TAMM41: variants seen among roughly 807,000 people sequenced by gnomAD.
The protein encoded by TAMM41 is TAM41 mitochondrial translocator assembly and maintenance homolog.
Under a neutral mutation model 44.1 loss-of-function variants are expected in TAMM41, and 36 were observed. That is an observed-to-expected ratio of 0.82 (90% confidence interval 0.63 to 1.08). The LOEUF is 1.08. Among genes scored for constraint, TAMM41 ranks in the 50% least tolerant of loss-of-function variants. The pLI, the probability that TAMM41 is intolerant of heterozygous loss-of-function variation, is 0.00. For synonymous variants in TAMM41, 164 were observed against 153.1 expected, an observed-to-expected ratio of 1.07 and a Z score of -0.53; for missense variants, 417 against 404.3, an observed-to-expected ratio of 1.03 and a Z score of -0.27.
At chr3:11,736,385 A>G in the TAMM41 span, among the ~76,000 whole-genome samples, 7 of 152,246 alleles carry the variant, frequency 4.6e-5, no homozygotes, top group Non-Finnish European at 8.8e-5. Flanking sequence ...TAACAGTGCT[A>G]TAATGATAAA....
the TAMM41 span, among the ~76,000 whole-genome samples, chr3:11,783,185 CT>C: frequency 6.6e-6 from 1 of 152,216 alleles, no homozygotes; most frequent in Non-Finnish European, 1.5e-5. Flanking sequence ...TATTATTGCA[CT>C]TGTGGGCAGA....
intron 5 of TAMM41, among the ~76,000 whole-genome samples, chr3:11,810,287 T>A (rs1204746396): frequency 6.6e-6 from 1 of 152,224 alleles, no homozygotes; most frequent in Non-Finnish European, 1.5e-5. Flanking sequence ...CAATACAACT[T>A]AGTTGTCCTA....
chr3:11,808,643 A>C, intron 6 of TAMM41: 1 of 982,074 alleles, frequency 1.0e-6, no homozygotes, highest in Non-Finnish European at 1.2e-6. Flanking sequence ...AATTTCATAA[A>C]TATTTCTTGA....
At chr3:11,792,947 G>A (rs913137520) in intron 7 of TAMM41, among the ~76,000 whole-genome samples, 6 of 150,566 alleles carry the variant, frequency 4.0e-5, no homozygotes, top group African/African-American at 1.2e-4. Context: ...TGTAGTCCCA[G>A]CTACTTAGGA....
At chr3:11,829,427 G>A (rs936039717) in intron 4 of TAMM41, among the ~76,000 whole-genome samples, 5 of 152,076 alleles carry the variant, frequency 3.3e-5, no homozygotes, top group African/African-American at 1.2e-4. Flanking sequence ...AAGGGCATAG[G>A]GAGTTTTCTG....
At chr3:11,841,888 G>A (rs2125065512) in intron 2 of TAMM41, among the ~76,000 whole-genome samples, 1 of 152,330 alleles carries the variant, frequency 6.6e-6, no homozygotes, top group South Asian at 2.1e-4. Flanking sequence ...CTGAACTTCA[G>A]TTTCCTCAAC....
the TAMM41 span, among the ~76,000 whole-genome samples, chr3:11,773,969 A>G: frequency 6.6e-6 from 1 of 152,140 alleles, no homozygotes; most frequent in South Asian, 2.1e-4. Flanking sequence ...CATGCCTGTA[A>G]TCCCAGTTAC....
At chr3:11,774,588 G>A in the TAMM41 span, among the ~76,000 whole-genome samples, 1 of 152,148 alleles carries the variant, frequency 6.6e-6, no homozygotes, top group African/African-American at 2.4e-5. Flanking sequence ...GGTTTGTCTT[G>A]GTCTATTTGG....
chr3:11,733,952 T>C, the TAMM41 span, among the ~76,000 whole-genome samples: 1 of 152,198 alleles, frequency 6.6e-6, no homozygotes, highest in Admixed American at 6.5e-5. Context: ...TGCATGACCC[T>C]CTTTAGCCAG....
At position 11,790,598 on chromosome 3, in the gene TAMM41, G is replaced by A. The variant is rs2077455552; in HGVS notation, c.938-17C>T. The A allele has an allele frequency of 1.9e-6, 3 of 1,601,970 alleles. No individual in the cohort carries two copies. Among genetic ancestry groups the A allele is most frequent in the East Asian group, 2.2e-5 (1 of 44,824 alleles). On this transcript the variant is annotated splice_polypyrimidine_tract_variant and intron_variant, in intron 7 of 7. Transcript: ENST00000455809. Reference sequence around the variant, plus strand: ...TCTTCAGGCCTAAAAGAGAAAAGATGAGAAAGTAAGAAGATGGAGGCTTGT... The same window carrying A: ...TCTTCAGGCCTAAAAGAGAAAAGATAAGAAAGTAAGAAGATGGAGGCTTGT...
rs537388792 is a variant in TAMM41, at chr3:11,836,060, G to A, written c.411+3162C>T. ...GCTGGAGTGCGGAGTGCAATGGCAC[G>A]ATCTTGGCTCACCTCTGCCTCCCAA... On this transcript the variant is annotated intron_variant, in intron 3 of 7. Coordinates refer to ENST00000455809, the MANE Select transcript of TAMM41 (RefSeq NM_001284401.2). 2.7e-5 allele frequency among the ~76,000 whole-genome samples: 4 copies of A among 149,582 alleles called. No individual in the cohort carries two copies. In the East Asian group the frequency reaches 5.9e-4, roughly 22 times the overall value.
the TAMM41 span, among the ~76,000 whole-genome samples, chr3:11,758,735 A>G: frequency 2.0e-5 from 3 of 151,676 alleles, no homozygotes; most frequent in Non-Finnish European, 4.4e-5. Context: ...GTGCAGTGGT[A>G]CTATCTCAGC....
intron 2 of TAMM41, 65 bp downstream of exon 2, chr3:11,843,964 G>C: frequency 1.3e-6 from 2 of 1,520,504 alleles, no homozygotes; most frequent in African/African-American, 1.4e-5. Flanking sequence ...TACATATTTA[G>C]CTGGCACTCT....
At chr3:11,823,197 A>G (rs1247451451) in intron 4 of TAMM41, among the ~76,000 whole-genome samples, 2 of 151,878 alleles carry the variant, frequency 1.3e-5, no homozygotes, top group Admixed American at 6.6e-5. Context: ...ATGGCTATTC[A>G]AATCCTTCTC....
intron 7 of TAMM41, among the ~76,000 whole-genome samples, chr3:11,791,880 T>C (rs1400605525): frequency 2.0e-5 from 3 of 152,194 alleles, no homozygotes; most frequent in Non-Finnish European, 4.4e-5. Context: ...CCACCCCTTT[T>C]AATTTTCTCC....
chr3:11,729,735 T>C, the TAMM41 span, among the ~76,000 whole-genome samples: 2 of 151,544 alleles, frequency 1.3e-5, no homozygotes, highest in African/African-American at 2.4e-5. Context: ...AATTTTTGTA[T>C]TTTTAGTAGA....
chr3:11,831,154 G>A (rs1250586915), intron 3 of TAMM41, among the ~76,000 whole-genome samples: 3 of 152,180 alleles, frequency 2.0e-5, no homozygotes, highest in African/African-American at 7.2e-5. Flanking sequence ...GAGCTTCTCT[G>A]GGCCAGCGGT....
chr3:11,790,439 C>T (rs779065196), downstream of TAMM41: 29 of 1,412,158 alleles, frequency 2.1e-5, no homozygotes, highest in Non-Finnish European at 2.9e-5. Flanking sequence ...GTAACAAACA[C>T]TGTTCTGTCA....
chr3:11,760,542 T>TTTTTATTTTG, the TAMM41 span, among the ~76,000 whole-genome samples: 13 of 150,878 alleles, frequency 8.6e-5, no homozygotes, highest in East Asian at 2.6e-3. Flanking sequence ...TAAGTACAAT[T>TTTTTATTTTG]TTTTGTTTTG....
Sources: allele counts gnomAD v4.1 joint callset (sites outside exome capture counted in the v4.1 genomes callset), GRCh38; gene constraint gnomAD v4.1.1; transcripts MANE v1.5; gene names NCBI Gene and HGNC (gene_info 2026-07-23, HGNC 2026-07-21).